Variants in ATP13A4 observed in about 807,000 individuals in gnomAD.
ATP13A4 encodes the protein ATPase 13A4.
A neutral mutation model predicts 142.5 loss-of-function variants in ATP13A4; 114 were observed. The observed-to-expected ratio is 0.80, with a 90% CI of 0.69 to 0.93. The LOEUF is 0.93. Ranked by LOEUF, ATP13A4 falls within the 40% of genes least tolerant of loss-of-function variation. ATP13A4 has a pLI of 0.00. For synonymous variants in ATP13A4, 488 were observed against 514.8 expected (o/e 0.95, Z 0.70); for missense variants, 1,392 against 1,454.0 (o/e 0.96, Z 0.69).
At chr3:193,462,909 C>T (rs1203945710) in intron 12 of ATP13A4, 86 bp from the exon 13 acceptor site, 16 of 1,361,188 alleles carry the variant, frequency 1.2e-5, no homozygotes, top group African/African-American at 5.8e-5. Flanking sequence ...CTACGGGAGG[C>T]GGAGGCAAGA....
intron 1 of ATP13A4, among the ~76,000 whole-genome samples, chr3:193,546,163 G>A (rs1044161630): frequency 6.6e-6 from 1 of 151,996 alleles, no homozygotes; most frequent in African/African-American, 2.4e-5. Context: ...ATTGACTCAG[G>A]TCTTGAAGAT....
At chr3:193,502,032 C>A (rs1720573854) in intron 3 of ATP13A4, among the ~76,000 whole-genome samples, 1 of 152,090 alleles carries the variant, frequency 6.6e-6, no homozygotes, top group Non-Finnish European at 1.5e-5. Context: ...GAGGCTGAGG[C>A]AGGAGGATCA....
intron 9 of ATP13A4, 133 bp downstream of exon 9, chr3:193,470,726 G>T: frequency 7.7e-7 from 1 of 1,294,988 alleles, no homozygotes; most frequent in Non-Finnish European, 1.1e-6. Context: ...TGTGGCAACG[G>T]GAAGGTCCCA....
chr3:193,577,596 A>G lies in ATP13A4; in HGVS notation n.291+4111T>C, dbSNP rs375862444. Among the ~76,000 whole-genome samples, 17 of 152,352 alleles carry G rather than the reference A, an allele frequency of 1.1e-4. No individual in the cohort carries two copies. The East Asian group carries it at 3.1e-3, about 28-fold the overall frequency. On this transcript the variant is annotated intron_variant and non_coding_transcript_variant, in intron 2 of 3. Transcript: ENST00000489140. ...ACACAATGTATACAATTAACATTGC[A>G]TTTGTACTACATTTTGCTGAAAACT...
At position 193,435,670 on chromosome 3, in the gene ATP13A4, A is replaced by T. The variant is rs755874910; in HGVS notation, c.2747T>A (p.Val916Asp). ...YMALYSMIQY[V>D]GVLLLYWETN... ...TACCCAGTAGAGCAGCAGAACACCA[A>T]CATACTGAATCATGCTGTACAGAGC... is the stretch of plus-strand genomic sequence containing the variant. Residue 916 changes from valine (V) to aspartate (D), a missense_variant, in exon 24 of 30, where the codon GTT (valine) becomes GAT (aspartate). Val to Asp is a radical substitution (Grantham distance 152). Coordinates refer to ENST00000342695, the MANE Select transcript of ATP13A4 (RefSeq NM_032279.4). 3 of 1,613,990 alleles carry T rather than the reference A, an allele frequency of 1.9e-6. No homozygotes were observed. In the South Asian group the frequency reaches 3.3e-5, roughly 18 times the overall value.
Position 193,462,686 on chromosome 3 carries a change from A to T in ATP13A4, c.1523+76T>A. ...CCAAAGTCCAAATGTCTCCATTCTT[A>T]ATTTCAAGAGAAAACACGGAATTTT... On this transcript the variant is annotated intron_variant, in intron 13 of 29. Coordinates refer to ENST00000342695, the MANE Select transcript of ATP13A4 (RefSeq NM_032279.4). 5.0e-6 allele frequency: 7 copies of T among 1,401,906 alleles called. No individual in the cohort carries two copies. In the South Asian group the frequency reaches 7.0e-5, roughly 14 times the overall value. The allele number at this position is 1,401,906 out of a possible 1,614,324, so 86.8% of individuals were successfully genotyped here.
intron 25 of ATP13A4, among the ~76,000 whole-genome samples, chr3:193,428,694 A>G (rs1178082514): frequency 6.6e-6 from 1 of 150,978 alleles, no homozygotes; most frequent in Non-Finnish European, 1.5e-5. Flanking sequence ...TGCAGGGACA[A>G]AAAACCAAGC....
chr3:193,488,660 T>G (rs957582766), intron 7 of ATP13A4, among the ~76,000 whole-genome samples: 1 of 152,096 alleles, frequency 6.6e-6, no homozygotes, highest in African/African-American at 2.4e-5. Context: ...GAGTGAAAAG[T>G]AAGAGGAAGA....
chr3:193,548,931 G>C (rs1184599320), intron 1 of ATP13A4, among the ~76,000 whole-genome samples: 1 of 152,154 alleles, frequency 6.6e-6, no homozygotes, highest in Non-Finnish European at 1.5e-5. Flanking sequence ...ACAAAATTAA[G>C]AGATTCTAGT....
chr3:193,531,306 GGA>G (rs1342205168), intron 1 of ATP13A4, among the ~76,000 whole-genome samples: 1 of 125,298 alleles, frequency 8.0e-6, no homozygotes, highest in Non-Finnish European at 1.7e-5. Context: ...GAGGAAGGAA[GGA>G]AGGAAGGAAG....
At chr3:193,454,345 A>G (rs1717454415) in intron 16 of ATP13A4, 133 bp from the exon 17 acceptor site, 1 of 716,684 alleles carries the variant, frequency 1.4e-6, no homozygotes, top group Admixed American at 2.0e-5. Context: ...AAGTCAGTTG[A>G]AAATTCTAAA....
At chr3:193,457,328 A>C (rs550677142) in intron 15 of ATP13A4, 51 bp downstream of exon 15, 1 of 1,601,546 alleles carries the variant, frequency 6.2e-7, no homozygotes, top group East Asian at 2.2e-5. Flanking sequence ...GGGCCAGAAG[A>C]GTTTCTCTTT....
At chr3:193,448,151 A>C in intron 18 of ATP13A4, 55 bp downstream of exon 18, 9 of 1,604,840 alleles carry the variant, frequency 5.6e-6, no homozygotes, top group Non-Finnish European at 7.7e-6. Context: ...TGAGTGAACC[A>C]TGTCTATTTC....
At chr3:193,420,858 G>C (rs1258628296) in intron 25 of ATP13A4, among the ~76,000 whole-genome samples, 2 of 149,222 alleles carry the variant, frequency 1.3e-5, no homozygotes, top group Non-Finnish European at 3.0e-5. Flanking sequence ...AAATTACCCA[G>C]TCAGAGGAAG....
intron 2 of ATP13A4, among the ~76,000 whole-genome samples, chr3:193,571,236 G>A (rs941673303): frequency 7.0e-5 from 10 of 142,450 alleles, no homozygotes; most frequent in African/African-American, 1.1e-4. Context: ...CCGAGATTGC[G>A]TTACTGCACT....
intron 1 of ATP13A4, among the ~76,000 whole-genome samples, chr3:193,550,188 C>T (rs540632711): frequency 3.9e-5 from 6 of 152,184 alleles, no homozygotes; most frequent in African/African-American, 1.4e-4. Flanking sequence ...TTGCACCATG[C>T]TGTGTAATAC....
chr3:193,587,414 A>C (rs917112873), intron 1 of ATP13A4, among the ~76,000 whole-genome samples: 8 of 151,520 alleles, frequency 5.3e-5, no homozygotes, highest in Non-Finnish European at 1.2e-4. Context: ...GTGTGTGAAA[A>C]TCTCCCTCTC....
chr3:193,440,013 A>C (rs1184120921), intron 21 of ATP13A4: 1 of 158,482 alleles, frequency 6.3e-6, no homozygotes, highest in Non-Finnish European at 1.4e-5. Flanking sequence ...AGCGATGGGC[A>C]CTTCATTTGG....
At chr3:193,459,267 G>T in intron 13 of ATP13A4, 36 bp from the exon 14 acceptor site, 1 of 1,613,108 alleles carries the variant, frequency 6.2e-7, no homozygotes, top group Non-Finnish European at 8.5e-7. Flanking sequence ...CCATTCCATC[G>T]CCTCATGCCA....
Sources: gnomAD v4.1 joint callset for allele counts (sites outside exome capture counted in the v4.1 genomes callset) on GRCh38, gnomAD v4.1.1 for gene constraint, MANE v1.5 for transcripts, NCBI Gene and HGNC (gene_info 2026-07-23, HGNC 2026-07-21) for gene names.